Variants in KAZN observed in about 807,000 individuals in gnomAD.
The protein encoded by KAZN is kazrin, periplakin interacting protein.
KAZN carries 40 observed loss-of-function variants against 87.4 expected under a neutral mutation model. The ratio of observed to expected loss-of-function variants is 0.46; its 90% CI spans 0.36 to 0.60. KAZN has a LOEUF of 0.60. Among genes scored for constraint, KAZN ranks in the 20% least tolerant of loss-of-function variants. The pLI is 0.00. For missense variants in KAZN, 898 were observed against 1,073.9 expected (o/e 0.84, Z 2.29); for synonymous variants, 466 against 458.3 (o/e 1.02, Z -0.22).
rs534371412 is a variant in KAZN, at chr1:14,917,653, AT to A, written c.227-43029del. Among the ~76,000 whole-genome samples the A allele has an allele frequency of 5.3e-4, 81 of 152,226 alleles. 1 individual carries two copies. Among genetic ancestry groups the A allele is most frequent in the Admixed American group, 9.8e-4 (15 of 15,284 alleles). On this transcript the variant is annotated intron_variant, in intron 1 of 14. Coordinates refer to ENST00000376030, the MANE Select transcript of KAZN (RefSeq NM_201628.3). ...ATTTTTACGGATGGAGAACCTGAGG[AT>A]TCCAGGGATGAAATCATCTGTCTCA...
chr1:14,389,477 A>G (rs934745866), intron 2 of KAZN, among the ~76,000 whole-genome samples: 2 of 131,444 alleles, frequency 1.5e-5, no homozygotes, highest in African/African-American at 5.2e-5. Flanking sequence ...ATGAATGGAT[A>G]AAAAAAAATG....
chr1:14,419,619 T>C (rs754388598), intron 2 of KAZN, among the ~76,000 whole-genome samples: 2 of 152,358 alleles, frequency 1.3e-5, no homozygotes, highest in East Asian at 1.9e-4. Flanking sequence ...TTAAAGGTAG[T>C]GTGTCCGGAG....
In KAZN at chr1:14,939,420, C is replaced by T. The variant is rs756884844; in HGVS notation, c.227-21264C>T. Among the ~76,000 whole-genome samples, 34 of 152,214 alleles carry T rather than the reference C, an allele frequency of 2.2e-4. 1 individual carries two copies. Among genetic ancestry groups the T allele is most frequent in the Middle Eastern group, 6.8e-3 (2 of 294 alleles). On this transcript the variant is annotated intron_variant, in intron 1 of 14. Transcript: ENST00000376030. ...GAGTAGCTAGGACTACAGGCACACA[C>T]CACCATGCCTGGCTAATTTTTAAAA...
chr1:14,198,338 AC>A (rs1192741730), intron 2 of KAZN, among the ~76,000 whole-genome samples: 2 of 152,098 alleles, frequency 1.3e-5, no homozygotes, highest in African/African-American at 4.8e-5. Flanking sequence ...AGTGGCTCAC[AC>A]CTGTAATCCC....
chr1:14,407,241 G>A (rs936209767), intron 2 of KAZN, among the ~76,000 whole-genome samples: 3 of 152,186 alleles, frequency 2.0e-5, no homozygotes, highest in African/African-American at 7.2e-5. Flanking sequence ...TCACCTCTGG[G>A]ATTTTCTCTA....
At chr1:14,787,644 C>T (rs549737348) in intron 1 of KAZN, among the ~76,000 whole-genome samples, 103 of 152,318 alleles carry the variant, frequency 6.8e-4, no homozygotes, top group African/African-American at 2.3e-3. Context: ...GAGCCTCTGC[C>T]TTGTACGACT....
chr1:15,092,921 A>G (rs922119457), intron 8 of KAZN, among the ~76,000 whole-genome samples: 4 of 130,872 alleles, frequency 3.1e-5, no homozygotes, highest in Admixed American at 1.5e-4. Context: ...TGGTGGATGA[A>G]CTTTTTTTTT....
At chr1:14,493,199 G>T (rs992055159) in intron 2 of KAZN, among the ~76,000 whole-genome samples, 4 of 151,972 alleles carry the variant, frequency 2.6e-5, no homozygotes, top group Admixed American at 2.6e-4. Flanking sequence ...GCCCCGTGCT[G>T]TACACTCATC....
chr1:14,578,432 A>G (rs953212375), intron 2 of KAZN, among the ~76,000 whole-genome samples: 1 of 152,172 alleles, frequency 6.6e-6, no homozygotes, highest in African/African-American at 2.4e-5. Flanking sequence ...TAAATACACT[A>G]ACTGACAGAA....
chr1:14,498,244 G>A (rs1005170641), intron 2 of KAZN, among the ~76,000 whole-genome samples: 5 of 152,134 alleles, frequency 3.3e-5, no homozygotes, highest in African/African-American at 4.8e-5. Context: ...CAAAGGACTC[G>A]TTCCTCCACC....
chr1:14,227,822 G>A (rs1254340109), intron 2 of KAZN, among the ~76,000 whole-genome samples: 3 of 152,268 alleles, frequency 2.0e-5, no homozygotes, highest in South Asian at 4.1e-4. Context: ...AATTCAGTAC[G>A]TATTAAAACC....
At chr1:14,414,941 G>T (rs989624751) in intron 2 of KAZN, among the ~76,000 whole-genome samples, 1 of 152,158 alleles carries the variant, frequency 6.6e-6, no homozygotes, top group African/African-American at 2.4e-5. Context: ...CAAGAGAATT[G>T]CTTGAACCCA....
At chr1:14,958,680 C>T (rs1167400643) in intron 1 of KAZN, among the ~76,000 whole-genome samples, 1 of 152,188 alleles carries the variant, frequency 6.6e-6, no homozygotes, top group Non-Finnish European at 1.5e-5. Flanking sequence ...CCCTCGGGGG[C>T]GAGGACTGTG....
chr1:14,137,068 C>T (rs959576593), intron 1 of KAZN, among the ~76,000 whole-genome samples: 1 of 152,152 alleles, frequency 6.6e-6, no homozygotes, highest in Admixed American at 6.5e-5. Context: ...AGCTAACATG[C>T]CCTGGGTTTT....
chr1:14,867,287 A>G (rs967424226), intron 1 of KAZN, among the ~76,000 whole-genome samples: 1 of 151,894 alleles, frequency 6.6e-6, no homozygotes, highest in Non-Finnish European at 1.5e-5. Context: ...GAGTGGGGAG[A>G]GTGGGGAGAT....
chr1:14,597,360 A>G (rs1165433265), upstream of KAZN, among the ~76,000 whole-genome samples: 1 of 152,188 alleles, frequency 6.6e-6, no homozygotes, highest in Non-Finnish European at 1.5e-5. Flanking sequence ...GGTTCCACAG[A>G]AAAGGGGGGA....
chr1:14,221,612 G>A (rs1366499845), intron 2 of KAZN, among the ~76,000 whole-genome samples: 2 of 152,072 alleles, frequency 1.3e-5, no homozygotes, highest in African/African-American at 4.8e-5. Flanking sequence ...TTATAATCCT[G>A]TTACGAGTCA....
At chr1:14,823,261 C>T (rs753827454) in intron 1 of KAZN, among the ~76,000 whole-genome samples, 1 of 152,118 alleles carries the variant, frequency 6.6e-6, no homozygotes, top group Non-Finnish European at 1.5e-5. Context: ...TGGGCATGAA[C>T]CGAGACGTCC....
chr1:14,916,319 GC>G (rs2101441328), intron 1 of KAZN, among the ~76,000 whole-genome samples: 1 of 151,950 alleles, frequency 6.6e-6, no homozygotes, highest in East Asian at 1.9e-4. Context: ...ACAGGTGTGT[GC>G]CACCATGCCC....
Sources: gnomAD v4.1 joint callset for allele counts (sites outside exome capture counted in the v4.1 genomes callset) on GRCh38, gnomAD v4.1.1 for gene constraint, MANE v1.5 for transcripts, NCBI Gene and HGNC (gene_info 2026-07-23, HGNC 2026-07-21) for gene names.